Variants in NPC1 observed in about 807,000 individuals in gnomAD.
NPC1 encodes Niemann-Pick C1 protein.
NPC1 carries 85 observed loss-of-function variants against 140.4 expected under a neutral mutation model. That is an observed-to-expected ratio of 0.61 (90% CI 0.51 to 0.72). NPC1 has a LOEUF of 0.72. NPC1 is among the 30% of genes least tolerant of loss of function. The probability of loss-of-function intolerance (pLI) is 0.00; values close to 1 mark genes in which losing one functional copy is unlikely to be tolerated. For synonymous variants in NPC1, 656 were observed against 624.8 expected (o/e 1.05, Z -0.74); for missense variants, 1,504 against 1,623.8 (o/e 0.93, Z 1.27).
intron 1 of NPC1, among the ~76,000 whole-genome samples, chr18:23,575,165 A>T (rs1318044892): frequency 6.6e-6 from 1 of 152,248 alleles, no homozygotes; most frequent in Non-Finnish European, 1.5e-5. Flanking sequence ...TGCAGTCAAC[A>T]CACTGCAGCT....
chr18:23,537,326 C>T lies in NPC1; in HGVS notation c.3042-450G>A, dbSNP rs149057795. ...AGGTGATCTCAGGTGATCCGCCCAC[C>T]TCGGCCTCCAAAAGTACTGGGATTA... On this transcript the variant is annotated intron_variant, in intron 20 of 24. Transcript: ENST00000269228. Among the ~76,000 whole-genome samples, 598 of 152,326 alleles carry T rather than the reference C, an allele frequency of 3.9e-3. 5 individuals carry two copies. Among genetic ancestry groups the T allele is most frequent in the Non-Finnish European group, 5.7e-3 (390 of 68,032 alleles).
At chr18:23,573,290 C>T (rs1187189845) in intron 2 of NPC1, among the ~76,000 whole-genome samples, 162 bp downstream of exon 2, 1 of 152,222 alleles carries the variant, frequency 6.6e-6, no homozygotes, top group Non-Finnish European at 1.5e-5. Context: ...GGTGTTCTTT[C>T]TCTGCACTGT....
intron 9 of NPC1, among the ~76,000 whole-genome samples, chr18:23,553,757 G>A (rs1263842072): frequency 6.6e-6 from 1 of 152,118 alleles, no homozygotes; most frequent in Non-Finnish European, 1.5e-5. Context: ...TCCCCTACAG[G>A]TCACCAAAGC....
At chr18:23,512,073 T>C (rs2057875105) in intron 3 of NPC1, among the ~76,000 whole-genome samples, 1 of 146,490 alleles carries the variant, frequency 6.8e-6, no homozygotes, top group Admixed American at 7.1e-5. Context: ...CAGGCTGGAG[T>C]GCAATGGTGC....
intron 17 of NPC1, 93 bp from the exon 18 acceptor site, chr18:23,540,094 G>C (rs1339780051): frequency 8.9e-7 from 1 of 1,125,660 alleles, no homozygotes; most frequent in Non-Finnish European, 1.3e-6. Context: ...GGTGCCAGGA[G>C]GTTCCTGGCT....
intron 22 of NPC1, 73 bp downstream of exon 22, chr18:23,535,396 T>C: frequency 1.8e-6 from 2 of 1,083,890 alleles, no homozygotes; most frequent in South Asian, 1.3e-5. Flanking sequence ...AGGGTTTACA[T>C]GGAATCTAAG....
chr18:23,542,244 AG>A (rs398120219), intron 14 of NPC1, among the ~76,000 whole-genome samples: 12 of 64,044 alleles, frequency 1.9e-4, no homozygotes, highest in South Asian at 5.8e-4. Flanking sequence ...AGTGAAAAAA[AG>A]AAAGTTTTTT....
At chr18:23,507,625 A>G (rs1417662796) in intron 3 of NPC1, among the ~76,000 whole-genome samples, 9 of 152,356 alleles carry the variant, frequency 5.9e-5, no homozygotes, top group East Asian at 1.9e-4. Flanking sequence ...AGAAACAGGC[A>G]GAATCCTCTG....
At chr18:23,566,838 T>C (rs572289943) in intron 4 of NPC1, among the ~76,000 whole-genome samples, 18 of 152,392 alleles carry the variant, frequency 1.2e-4, no homozygotes, top group African/African-American at 4.3e-4. Context: ...GCTCTACTTA[T>C]GCCTTCCTCT....
chr18:23,525,187 C>T (rs1470017853), downstream of NPC1, among the ~76,000 whole-genome samples: 3 of 151,818 alleles, frequency 2.0e-5, no homozygotes, highest in Non-Finnish European at 1.5e-5. Context: ...CTCAGGTGAT[C>T]CGCCTGCCTC....
chr18:23,533,390 C>T lies in NPC1; in HGVS notation c.3719G>A (p.Gly1240Glu). 6.2e-7 allele frequency: 1 copy of T among 1,614,126 alleles called. No individual in the cohort carries two copies. Among genetic ancestry groups the T allele is most frequent in the Non-Finnish European group, 8.5e-7 (1 of 1,179,976 alleles). ...GAGTAAGACAGGGAGAAATATTAAT[C>T]CGTGAGTGGCTCCCAGTAAGACCAT... ...LAMVLLGATH[G>E]LIFLPVLLSY... is the part of the protein sequence containing the mutation. Residue 1240 changes from glycine to glutamate, a missense_variant, in exon 24 of 25, where the codon GGA becomes GAA. Gly to Glu is a moderately conservative substitution (Grantham distance 98). Transcript: ENST00000269228.
downstream of NPC1, chr18:23,519,151 G>A (rs187677149): frequency 7.4e-6 from 12 of 1,614,140 alleles, no homozygotes; most frequent in African/African-American, 4.0e-5. Context: ...CAACCTGGTA[G>A]TCGTGCATCA....
chr18:23,552,020 G>GGTCT (rs1443269113), intron 9 of NPC1, among the ~76,000 whole-genome samples: 1 of 152,226 alleles, frequency 6.6e-6, no homozygotes, highest in Non-Finnish European at 1.5e-5. Context: ...CCAAGAGGAA[G>GGTCT]AGACTGTACA....
At chr18:23,560,872 TC>T (rs1415560597) in intron 5 of NPC1, among the ~76,000 whole-genome samples, 1 of 152,200 alleles carries the variant, frequency 6.6e-6, no homozygotes, top group Non-Finnish European at 1.5e-5. Context: ...CATTTCCTCC[TC>T]CATTCCCACT....
Position 23,543,524 on chromosome 18 carries a change from T to C in NPC1, c.2176A>G (p.Arg726Gly). Reference sequence around the variant, plus strand: ...CTGGGAGCCACTTCTCCTAGGACCCTGCCCAGCTGCTGATCCAGGGTTTCC... The same window carrying C: ...CTGGGAGCCACTTCTCCTAGGACCCCGCCCAGCTGCTGATCCAGGGTTTCC... Reference protein sequence around the residue: ...QGETLDQQLGRVLGEVAPSMF... With the variant: ...QGETLDQQLGGVLGEVAPSMF... The change falls in exon 14 of 25, where the codon AGG becomes GGG. Residue 726 changes from arginine to glycine, a missense_variant. Arg to Gly is a moderately radical substitution (Grantham distance 125). Coordinates refer to ENST00000269228, the MANE Select transcript of NPC1 (RefSeq NM_000271.5). The C allele has an allele frequency of 1.2e-6, 2 of 1,610,154 alleles. No individual in the cohort carries two copies. The highest frequency in any genetic ancestry group is 1.7e-6 in the Non-Finnish European group (2 of 1,178,112).
intron 1 of NPC1, among the ~76,000 whole-genome samples, chr18:23,523,543 C>CAAAAAAAAAA (rs374224848): frequency 1.1e-3 from 85 of 76,304 alleles, no homozygotes; most frequent in East Asian, 1.6e-3. Flanking sequence ...CTTGTCTTCA[C>CAAAAAAAAAA]AAAAAAAAAA....
intron 10 of NPC1, among the ~76,000 whole-genome samples, chr18:23,549,897 A>AC (rs1249511448): frequency 6.6e-6 from 1 of 151,586 alleles, no homozygotes; most frequent in Admixed American, 6.6e-5. Context: ...ACACACCACC[A>AC]CGTGTGGCTA....
rs746226175 is a variant in NPC1, at chr18:23,539,794, G to C, written c.2795+17C>G. On this transcript the variant is annotated intron_variant, in intron 18 of 24. Transcript: ENST00000269228. ...CTCCTCCGCTGCTTCTGAAGTACAA[G>C]ACAAGGTGGTACTGACTAGTTGTCC... 1 of 1,613,232 alleles carries C rather than the reference G, an allele frequency of 6.2e-7. No individual in the cohort carries two copies. Among genetic ancestry groups the C allele is most frequent in the Admixed American group, 1.7e-5 (1 of 60,012 alleles).
intron 3 of NPC1, chr18:23,516,239 C>T: frequency 1.3e-6 from 2 of 1,501,942 alleles, no homozygotes; most frequent in Non-Finnish European, 1.9e-6. Flanking sequence ...CTGTGTTTAT[C>T]CTTGTTGGTT....
Sources: allele counts gnomAD v4.1 joint callset (sites outside exome capture counted in the v4.1 genomes callset), GRCh38; gene constraint gnomAD v4.1.1; transcripts MANE v1.5; gene names NCBI Gene and HGNC (gene_info 2026-07-23, HGNC 2026-07-21).